The following TAS2R1 variants were observed in gnomAD, a reference collection of about 807,000 sequenced individuals.
TAS2R1 encodes the protein taste 2 receptor member 1.
For missense variants in TAS2R1, 370 were observed against 353.4 expected (o/e 1.05, Z -0.38); for synonymous variants, 141 against 134.2 (o/e 1.05, Z -0.35).
the TAS2R1 span, among the ~76,000 whole-genome samples, chr5:9,849,016 A>G: frequency 3.3e-5 from 5 of 152,178 alleles, no homozygotes; most frequent in African/African-American, 1.2e-4. Flanking sequence ...TTGCCAATCA[A>G]TGTTGGTCTT....
the TAS2R1 span, among the ~76,000 whole-genome samples, chr5:9,732,243 TTAGTA>T: frequency 6.6e-6 from 1 of 152,030 alleles, no homozygotes; most frequent in Non-Finnish European, 1.5e-5. Context: ...AGGGCAGCCT[TTAGTA>T]ATGTGTCCAG....
At chr5:9,852,349 T>C in the TAS2R1 span, among the ~76,000 whole-genome samples, 1 of 152,172 alleles carries the variant, frequency 6.6e-6, no homozygotes, top group Non-Finnish European at 1.5e-5. Context: ...TCCAAACTTA[T>C]TTTCACTCCC....
chr5:9,875,569 G>A, the TAS2R1 span, among the ~76,000 whole-genome samples: 18 of 152,256 alleles, frequency 1.2e-4, no homozygotes, highest in Non-Finnish European at 1.9e-4. Context: ...CAGCCTCCCC[G>A]ACAAACCTGT....
chr5:9,810,172 C>T, the TAS2R1 span, among the ~76,000 whole-genome samples: 1 of 152,326 alleles, frequency 6.6e-6, no homozygotes, highest in East Asian at 1.9e-4. Flanking sequence ...CAACAGACCC[C>T]AATCTGTCTT....
rs1739801868 is a variant in TAS2R1, at chr5:9,628,590, T to C, written c.*543A>G. Reference sequence around the variant, plus strand: ...TCCTTTGTGATCTGAGGAGAAAGAATGGCTCCACTGCCTGCAACTCCAACA... The same window carrying C: ...TCCTTTGTGATCTGAGGAGAAAGAACGGCTCCACTGCCTGCAACTCCAACA... On this transcript the variant is annotated 3_prime_UTR_variant, in exon 1 of 1. Transcript: ENST00000382492. Among the ~76,000 whole-genome samples the C allele has an allele frequency of 6.6e-6, 1 of 152,128 alleles. No individual in the cohort carries two copies. The highest frequency in any genetic ancestry group is 6.5e-5 in the Admixed American group (1 of 15,276).
At chr5:9,655,915 C>T (rs939698731) in intron 2 of TAS2R1, among the ~76,000 whole-genome samples, 49 of 150,782 alleles carry the variant, frequency 3.2e-4, no homozygotes, top group African/African-American at 1.1e-3. Context: ...ATTCTCAACT[C>T]AATGCCTGGG....
the TAS2R1 span, among the ~76,000 whole-genome samples, chr5:9,886,958 G>T: frequency 6.6e-6 from 1 of 152,110 alleles, no homozygotes; most frequent in African/African-American, 2.4e-5. Flanking sequence ...CCACAGCACA[G>T]CTTGACCACC....
At chr5:9,639,683 T>C (rs1740034181) in intron 2 of TAS2R1, among the ~76,000 whole-genome samples, 1 of 152,198 alleles carries the variant, frequency 6.6e-6, no homozygotes, top group Admixed American at 6.5e-5. Flanking sequence ...TCTGAATTGC[T>C]GCAGCTTCTA....
rs746542844 is a variant in TAS2R1 at position 9,629,955 on chromosome 5, G to T, written c.78C>A (p.Ile26=). Residue 26 remains isoleucine, a synonymous_variant, in exon 1 of 1, where the codon ATC becomes ATA. Coordinates refer to ENST00000382492, the MANE Select transcript of TAS2R1 (RefSeq NM_019599.3). ...QFLLGIFTNG[I]IVVVNGIDLI... is the part of the protein sequence containing the mutation. ...AGTCAATGCCATTCACCACCACAAT[G>T]ATGCCATTTGTGAAAATCCCAAGAA... 1 of 1,608,734 alleles carries T rather than the reference G, an allele frequency of 6.2e-7. No homozygotes were observed. The highest frequency in any genetic ancestry group is 1.7e-5 in the Admixed American group (1 of 58,614).
chr5:9,901,657 A>AG, the TAS2R1 span, among the ~76,000 whole-genome samples: 1 of 152,066 alleles, frequency 6.6e-6, no homozygotes, highest in African/African-American at 2.4e-5. Flanking sequence ...ATGAATTGGA[A>AG]GGGGAAAAGA....
At chr5:9,733,023 A>G in the TAS2R1 span, among the ~76,000 whole-genome samples, 1 of 152,240 alleles carries the variant, frequency 6.6e-6, no homozygotes, top group Non-Finnish European at 1.5e-5. Context: ...TCACCTGATT[A>G]TAGATCTTAA....
chr5:9,773,441 T>C, the TAS2R1 span, among the ~76,000 whole-genome samples: 1 of 152,288 alleles, frequency 6.6e-6, no homozygotes, highest in African/African-American at 2.4e-5. Context: ...ATTTAAGATA[T>C]GAGTAGTTTA....
the TAS2R1 span, among the ~76,000 whole-genome samples, chr5:9,893,558 G>A: frequency 1.3e-5 from 2 of 152,066 alleles, no homozygotes; most frequent in Non-Finnish European, 2.9e-5. Flanking sequence ...TTTTTTTTAA[G>A]TTAGTAAATG....
At chr5:9,766,128 C>A in the TAS2R1 span, among the ~76,000 whole-genome samples, 1 of 152,152 alleles carries the variant, frequency 6.6e-6, no homozygotes, top group Admixed American at 6.5e-5. Context: ...TCTTGTAATG[C>A]ATTTTTAAAA....
At chr5:9,747,316 G>A in the TAS2R1 span, among the ~76,000 whole-genome samples, 1 of 152,122 alleles carries the variant, frequency 6.6e-6, no homozygotes, top group East Asian at 1.9e-4. Flanking sequence ...GTGCTATACA[G>A]GAACACATGA....
chr5:9,630,998 T>C (rs1409123735), upstream of TAS2R1, among the ~76,000 whole-genome samples: 1 of 152,192 alleles, frequency 6.6e-6, no homozygotes, highest in Non-Finnish European at 1.5e-5. Context: ...TAACTCTTTG[T>C]TAGGCACGGG....
intron 1 of TAS2R1, among the ~76,000 whole-genome samples, chr5:9,666,448 C>T (rs1740634541): frequency 6.6e-6 from 1 of 152,122 alleles, no homozygotes; most frequent in African/African-American, 2.4e-5. Flanking sequence ...CATTGATGTT[C>T]ATTATATCTG....
At chr5:9,820,471 G>A in the TAS2R1 span, among the ~76,000 whole-genome samples, 1 of 152,168 alleles carries the variant, frequency 6.6e-6, no homozygotes, top group Non-Finnish European at 1.5e-5. Flanking sequence ...GTCAACTACA[G>A]TACATCAATT....
chr5:9,793,627 G>C, the TAS2R1 span, among the ~76,000 whole-genome samples: 1 of 152,192 alleles, frequency 6.6e-6, no homozygotes, highest in Non-Finnish European at 1.5e-5. Context: ...CCTGCAGTCT[G>C]GGGTGGTGAG....
Sources: allele counts gnomAD v4.1 joint callset (sites outside exome capture counted in the v4.1 genomes callset), GRCh38; gene constraint gnomAD v4.1.1; transcripts MANE v1.5; gene names NCBI Gene and HGNC (gene_info 2026-07-23, HGNC 2026-07-21).